Variants in ABI3BP observed in about 807,000 individuals in gnomAD.
ABI3BP encodes ABI family member 3 binding protein.
A neutral mutation model predicts 268.6 loss-of-function variants in ABI3BP; 216 were observed. That is an observed-to-expected ratio of 0.80 (90% confidence interval 0.72 to 0.90). The LOEUF is 0.90. Ranked by LOEUF, ABI3BP falls within the 40% of genes least tolerant of loss-of-function variation. The pLI is 0.00. For missense variants in ABI3BP, 2,090 were observed against 2,182.4 expected (o/e 0.96, Z 0.84); for synonymous variants, 730 against 730.0 (o/e 1.00, Z 0.00).
intron 55 of ABI3BP, 78 bp from the exon 56 acceptor site, chr3:100,789,594 C>G (rs2097143968): frequency 1.5e-6 from 2 of 1,378,046 alleles, no homozygotes; most frequent in Admixed American, 4.1e-5. Context: ...TCCTAGGGAC[C>G]AACAACTCAT....
chr3:100,922,925 C>A (rs2060726519), intron 2 of ABI3BP, among the ~76,000 whole-genome samples: 1 of 152,028 alleles, frequency 6.6e-6, no homozygotes, highest in African/African-American at 2.4e-5. Flanking sequence ...CTATAAATAA[C>A]CAATTTAAAC....
chr3:100,844,386 A>C (rs1330373699), intron 20 of ABI3BP: 3 of 985,398 alleles, frequency 3.0e-6, no homozygotes, highest in Non-Finnish European at 3.6e-6. Flanking sequence ...GTTTTTGAGA[A>C]ATGCGCTGAA....
chr3:100,904,669 A>T (rs1302606241), intron 2 of ABI3BP, among the ~76,000 whole-genome samples: 1 of 152,246 alleles, frequency 6.6e-6, no homozygotes, highest in Non-Finnish European at 1.5e-5. Flanking sequence ...TATGAATATC[A>T]TCGCTGGCCA....
chr3:100,756,611 T>C (rs762417872), intron 63 of ABI3BP, among the ~76,000 whole-genome samples: 1 of 152,188 alleles, frequency 6.6e-6, no homozygotes, highest in South Asian at 2.1e-4. Flanking sequence ...ATCTGGACTT[T>C]GATTCAAATG....
chr3:100,898,806 G>A lies in ABI3BP; in HGVS notation c.417C>T (p.Asn139=). Residue 139 remains asparagine, a synonymous_variant, in exon 4 of 68, where the codon AAC becomes AAT. Coordinates refer to ENST00000471714, the MANE Select transcript of ABI3BP (RefSeq NM_001375547.2). ...TTGGCAATGTCCAGTCATGGTGTGG[G>A]TTGATGAGGAAACCCCAGGACAGGA... is the stretch of plus-strand genomic sequence containing the variant. The part of the protein sequence containing the change: ...SVFLSWGFLI[N]PHHDWTLPSH... 1 of 1,613,792 alleles carries A rather than the reference G, an allele frequency of 6.2e-7. No individual in the cohort carries two copies. Among genetic ancestry groups the A allele is most frequent in the East Asian group, 2.2e-5 (1 of 44,866 alleles).
intron 2 of ABI3BP, among the ~76,000 whole-genome samples, chr3:100,913,061 G>C (rs531180128): frequency 5.3e-5 from 8 of 152,282 alleles, no homozygotes; most frequent in African/African-American, 1.9e-4. Flanking sequence ...GTAGAATGCT[G>C]TTGTCTCCTC....
intron 1 of ABI3BP, among the ~76,000 whole-genome samples, chr3:100,972,713 T>TA (rs1347043140): frequency 7.2e-5 from 11 of 152,162 alleles, no homozygotes; most frequent in African/African-American, 2.7e-4. Flanking sequence ...AAAACAGCAA[T>TA]AACAGCATCA....
At chr3:100,819,947 CAAAAAAA>C (rs3029879) in intron 40 of ABI3BP, among the ~76,000 whole-genome samples, 3,130 of 94,680 alleles carry the variant, frequency 0.033, 113 homozygotes, top group African/African-American at 0.12. Flanking sequence ...GACTCCGTCT[CAAAAAAA>C]AAAAAAAAAA....
chr3:100,830,102 CATACATACATAT>C (rs1482841719), intron 32 of ABI3BP, among the ~76,000 whole-genome samples: 2 of 56,222 alleles, frequency 3.6e-5, no homozygotes, highest in African/African-American at 1.7e-4. Context: ...TACATACATA[CATACATACATAT>C]ATATATATAT....
At chr3:100,795,679 A>C (rs1433972702) in intron 53 of ABI3BP, 125 bp downstream of exon 53, 1 of 808,536 alleles carries the variant, frequency 1.2e-6, no homozygotes, top group Non-Finnish European at 1.7e-6. Context: ...AAGAGTAATA[A>C]TAATGAGAAT....
intron 1 of ABI3BP, among the ~76,000 whole-genome samples, chr3:100,959,095 C>T (rs2077885218): frequency 6.6e-6 from 1 of 152,146 alleles, no homozygotes; most frequent in South Asian, 2.1e-4. Flanking sequence ...ATGCTCTATT[C>T]CTACAGGAGG....
In ABI3BP at chr3:100,902,693, G is replaced by A. The variant is rs779207886; in HGVS notation, c.260-7C>T. The A allele has an allele frequency of 1.2e-6, 2 of 1,613,104 alleles. No homozygotes were observed. The highest frequency in any genetic ancestry group is 1.3e-5 in the African/African-American group (1 of 75,014). On this transcript the variant is annotated splice_region_variant and splice_polypyrimidine_tract_variant and intron_variant, in intron 2 of 67. Coordinates refer to ENST00000471714, the MANE Select transcript of ABI3BP (RefSeq NM_001375547.2). Reference sequence around the variant, plus strand: ...AGATATTTCGGCTCTGCATCTGGAAGCAATAACATTATTTATCAGAAAAAC... The same window carrying A: ...AGATATTTCGGCTCTGCATCTGGAAACAATAACATTATTTATCAGAAAAAC...
chr3:100,946,711 C>T (rs891954820), intron 1 of ABI3BP, among the ~76,000 whole-genome samples: 5 of 151,820 alleles, frequency 3.3e-5, no homozygotes, highest in African/African-American at 9.7e-5. Flanking sequence ...TCACTTGAAC[C>T]CAGGAGGCAG....
intron 65 of ABI3BP, 79 bp from the exon 66 acceptor site, chr3:100,753,027 C>A: frequency 2.9e-6 from 4 of 1,376,842 alleles, no homozygotes; most frequent in Non-Finnish European, 2.9e-6. Flanking sequence ...CAAAATTTGT[C>A]AACTTGCTGA....
chr3:100,907,901 G>A (rs909635199), intron 2 of ABI3BP, among the ~76,000 whole-genome samples: 22 of 152,184 alleles, frequency 1.4e-4, no homozygotes, highest in African/African-American at 5.3e-4. Flanking sequence ...AGATCATGAG[G>A]TCAGGAGATC....
chr3:100,961,967 G>A (rs2079284698), intron 1 of ABI3BP, among the ~76,000 whole-genome samples: 1 of 152,118 alleles, frequency 6.6e-6, no homozygotes, highest in South Asian at 2.1e-4. Context: ...TATCTCAACT[G>A]TGGATGAGCC....
At chr3:100,752,635 A>T (rs1266053796) in intron 66 of ABI3BP, 152 bp downstream of exon 66, 3 of 716,802 alleles carry the variant, frequency 4.2e-6, no homozygotes, top group Non-Finnish European at 6.8e-6. Flanking sequence ...TCTAGGAATG[A>T]TAACTGTTTC....
intron 21 of ABI3BP, 73 bp from the exon 22 acceptor site, chr3:100,840,931 A>C: frequency 2.5e-6 from 3 of 1,216,596 alleles, no homozygotes; most frequent in Non-Finnish European, 3.5e-6. Context: ...TAAAACATGG[A>C]ATATGCTTAA....
At position 100,884,920 on chromosome 3, in the gene ABI3BP, G is replaced by A. The variant is rs2041198544; in HGVS notation, c.696+616C>T. Among the ~76,000 whole-genome samples the A allele has an allele frequency of 2.0e-5, 3 of 152,206 alleles. No homozygotes were observed. In the South Asian group the frequency reaches 6.2e-4, roughly 32 times the overall value. ...CAGTGACTTACAGTCATCCCAGGTG[G>A]GGTGGTATATACTAGACATGATGCT... On this transcript the variant is annotated intron_variant, in intron 6 of 67. Coordinates refer to ENST00000471714, the MANE Select transcript of ABI3BP (RefSeq NM_001375547.2).
Sources: gnomAD v4.1 joint callset for allele counts (sites outside exome capture counted in the v4.1 genomes callset) on GRCh38, gnomAD v4.1.1 for gene constraint, MANE v1.5 for transcripts, NCBI Gene and HGNC (gene_info 2026-07-23, HGNC 2026-07-21) for gene names.